Variants in TBC1D16 observed in about 807,000 individuals in gnomAD.
The protein encoded by TBC1D16 is TBC1 domain family member 16.
A neutral mutation model predicts 74.7 loss-of-function variants in TBC1D16; 58 were observed. The observed-to-expected ratio is 0.78, with a 90% CI of 0.63 to 0.97. The LOEUF (loss-of-function observed/expected upper bound fraction) is 0.97. Among genes scored for constraint, TBC1D16 ranks in the 50% least tolerant of loss-of-function variants. TBC1D16 has a pLI of 0.00. For missense variants in TBC1D16, 1,014 were observed against 1,079.5 expected (o/e 0.94, Z 0.85); for synonymous variants, 493 against 474.7 (o/e 1.04, Z -0.50).
At chr17:80,016,367 C>A (rs977179609) in intron 1 of TBC1D16, among the ~76,000 whole-genome samples, 1 of 152,130 alleles carries the variant, frequency 6.6e-6, no homozygotes, top group Non-Finnish European at 1.5e-5. Flanking sequence ...CATGATCGTA[C>A]TCAATGCCGC....
intron 3 of TBC1D16, among the ~76,000 whole-genome samples, chr17:79,959,307 A>G (rs1396105173): frequency 1.3e-5 from 2 of 152,244 alleles, no homozygotes; most frequent in Non-Finnish European, 2.9e-5. Flanking sequence ...CAACTTGGTT[A>G]AGATGACAAT....
Position 79,936,915 on chromosome 17 carries a change from T to C in TBC1D16, c.*3944A>G, listed in dbSNP as rs867913299. 7.0e-4 allele frequency: 100 copies of C among 143,244 alleles called. No individual in the cohort carries two copies. The Middle Eastern group carries it at 0.011, about 16-fold the overall frequency. The allele number at this position is 143,244 out of a possible 1,614,324, so 8.9% of individuals were successfully genotyped here. ...GCGTGCGTGTGTGCATGTGCGTGTG[T>C]GTGTGTGTGTGTGTGTGTGTGTGTG... is the stretch of plus-strand genomic sequence containing the variant. On this transcript the variant is annotated 3_prime_UTR_variant, in exon 12 of 12. Transcript: ENST00000310924.
rs371876677 is a variant in TBC1D16 at position 79,944,899 on chromosome 17, C to T, written c.1908+9G>A. ...CAACCTCCCCAGCCCTGGCCCCTGC[C>T]CTGGTCACCTGGTAGTGGGCCCAGC... On this transcript the variant is annotated intron_variant, in intron 10 of 11. Coordinates refer to ENST00000310924, the MANE Select transcript of TBC1D16 (RefSeq NM_019020.4). This position sits in a 1 kb window ranked among gnomAD's most constrained non-coding sequence, Gnocchi z 7.7. 1 of 1,547,966 alleles carries T rather than the reference C, an allele frequency of 6.5e-7. No homozygotes were observed. The highest frequency in any genetic ancestry group is 8.7e-7 in the Non-Finnish European group (1 of 1,146,254).
At position 79,978,164 on chromosome 17, in the gene TBC1D16, G is replaced by A. The variant is rs551078998; in HGVS notation, c.780-25346C>T. Among the ~76,000 whole-genome samples the A allele has an allele frequency of 5.9e-5, 9 of 152,312 alleles. No homozygotes were observed. In the East Asian group the frequency reaches 1.7e-3, roughly 29 times the overall value. On this transcript the variant is annotated intron_variant, in intron 3 of 11. Coordinates refer to ENST00000310924, the MANE Select transcript of TBC1D16 (RefSeq NM_019020.4). Reference sequence around the variant, plus strand: ...GACAGCCTGGCTTTTCCAGCCAGAGGGACTGGGAGCAGCAAGGCCGGAAAA... The same window carrying A: ...GACAGCCTGGCTTTTCCAGCCAGAGAGACTGGGAGCAGCAAGGCCGGAAAA...
chr17:79,950,731 T>C lies in TBC1D16; in HGVS notation c.1090-153A>G, dbSNP rs1451101859. 6.5e-7 allele frequency: 1 copy of C among 1,537,854 alleles called. No homozygotes were observed. Among genetic ancestry groups the C allele is most frequent in the Admixed American group, 2.0e-5 (1 of 51,002 alleles). On this transcript the variant is annotated intron_variant, in intron 5 of 11. Coordinates refer to ENST00000310924, the MANE Select transcript of TBC1D16 (RefSeq NM_019020.4). This position sits in a 1 kb window ranked among gnomAD's most constrained non-coding sequence, Gnocchi z 4.6. ...ACAAACCCCTAAATGGCGAGTGTAA[T>C]TAGGCGCAATTAAAATGAAAATACC...
At position 79,948,966 on chromosome 17, in the gene TBC1D16, T is replaced by G; in HGVS notation, c.1447A>C (p.Asn483His). The G allele has an allele frequency of 6.2e-7, 1 of 1,614,142 alleles. No individual in the cohort carries two copies. The highest frequency in any genetic ancestry group is 2.2e-5 in the East Asian group (1 of 44,876). Residue 483 changes from asparagine (N) to histidine (H), a missense_variant, in exon 8 of 12, where the codon AAT becomes CAT. Physicochemically the swap from Asn to His is moderately conservative, Grantham distance 68 (BLOSUM62 1). Coordinates refer to ENST00000310924, the MANE Select transcript of TBC1D16 (RefSeq NM_019020.4). The part of the protein sequence containing the change: ...TPEEHRAFWR[N>H]VQFTVDKDVV... The stretch of plus-strand genomic sequence containing the variant: ...TCTTTGTCCACAGTGAACTGCACAT[T>G]ACGCCAGAACGCTCTGTGCTCCTCG...
rs1230913124 is a variant in TBC1D16 at position 79,986,454 on chromosome 17, G to C, written c.779+23706C>G. ...TCGTCAGCGTTGCAGTGGTGGGTAAGAGGCCCCGGGATTATTTTTGGAGGG... is the reference window on the plus strand; with the variant it reads ...TCGTCAGCGTTGCAGTGGTGGGTAACAGGCCCCGGGATTATTTTTGGAGGG... On this transcript the variant is annotated intron_variant, in intron 3 of 11. Transcript: ENST00000310924. The surrounding 1 kb of genome is among the most constrained non-coding windows in gnomAD (Gnocchi z 6.0). Among the ~76,000 whole-genome samples, 2 of 152,208 alleles carry C rather than the reference G, an allele frequency of 1.3e-5. No homozygotes were observed. The highest frequency in any genetic ancestry group is 2.9e-5 in the Non-Finnish European group (2 of 68,042).
intron 9 of TBC1D16, among the ~76,000 whole-genome samples, chr17:79,947,119 T>C (rs118102142): frequency 0.026 from 3,890 of 152,224 alleles, 73 homozygotes; most frequent in Middle Eastern, 0.041. Context: ...CTGGTCTACA[T>C]AGGGCTGGTC....
rs1387925035 is a variant in TBC1D16 at position 79,947,666 on chromosome 17, G to A, written c.1707C>T (p.Asp569=). Residue 569 remains aspartate, a synonymous_variant, in exon 9 of 12, where the codon GAC becomes GAT. Transcript: ENST00000310924. ...TCACCAGTTGTTTCTCCATGTCCTC[G>A]TCCCGGGGTGAGCTGACGAAGATCG... ...QNTIFVSSPR[D]EDMEKQLLYL... 44 of 1,614,072 alleles carry A rather than the reference G, an allele frequency of 2.7e-5. No homozygotes were observed. The highest frequency in any genetic ancestry group is 3.6e-5 in the Non-Finnish European group (43 of 1,180,016).
rs1053464383 is a variant in TBC1D16 at position 79,973,756 on chromosome 17, T to C, written c.780-20938A>G. Among the ~76,000 whole-genome samples the C allele has an allele frequency of 6.0e-5, 9 of 150,342 alleles. No individual in the cohort carries two copies. The East Asian group carries it at 1.8e-3, about 29-fold the overall frequency. Reference sequence around the variant, plus strand: ...ATTACAACAAAAAATTATCCAGGCATGGTGGTGCATGCCATCATCCCAGCT... The same window carrying C: ...ATTACAACAAAAAATTATCCAGGCACGGTGGTGCATGCCATCATCCCAGCT... On this transcript the variant is annotated intron_variant, in intron 3 of 11. Coordinates refer to ENST00000310924, the MANE Select transcript of TBC1D16 (RefSeq NM_019020.4).
chr17:80,017,542 G>A (rs1409256765), intron 1 of TBC1D16, among the ~76,000 whole-genome samples: 1 of 151,842 alleles, frequency 6.6e-6, no homozygotes, highest in Non-Finnish European at 1.5e-5. Context: ...TTAGCCGGGC[G>A]TGATGGTGCA....
rs1266173703 is a variant in TBC1D16 at position 79,990,489 on chromosome 17, GA to G, written c.779+19670del. Among the ~76,000 whole-genome samples, 1 of 152,212 alleles carries G rather than the reference GA, an allele frequency of 6.6e-6. No homozygotes were observed. The highest frequency in any genetic ancestry group is 1.5e-5 in the Non-Finnish European group (1 of 68,034). On this transcript the variant is annotated intron_variant, in intron 3 of 11. Coordinates refer to ENST00000310924, the MANE Select transcript of TBC1D16 (RefSeq NM_019020.4). This position sits in a 1 kb window ranked among gnomAD's most constrained non-coding sequence, Gnocchi z 4.8. ...ACACAGGCTTACAGACCTAATCCAA[GA>G]AGGCAGTTCTCAAAAGGATGGGAAA... is the stretch of plus-strand genomic sequence containing the variant.
chr17:80,027,189 C>T (rs183004895), intron 1 of TBC1D16, among the ~76,000 whole-genome samples: 5 of 152,178 alleles, frequency 3.3e-5, no homozygotes, highest in African/African-American at 4.8e-5. Flanking sequence ...AGGCTGGGCA[C>T]GGTAGCTCAT....
intron 3 of TBC1D16, 43 bp from the exon 4 acceptor site, chr17:79,952,861 C>A: frequency 6.4e-7 from 1 of 1,569,510 alleles, no homozygotes. Context: ...CTTCTCCCTG[C>A]CCACACTACC....
At position 79,985,579 on chromosome 17, in the gene TBC1D16, G is replaced by A. The variant is rs1017776651; in HGVS notation, c.779+24581C>T. Among the ~76,000 whole-genome samples the A allele has an allele frequency of 2.6e-5, 4 of 152,224 alleles. No homozygotes were observed. The highest frequency in any genetic ancestry group is 5.9e-5 in the Non-Finnish European group (4 of 68,032). On this transcript the variant is annotated intron_variant, in intron 3 of 11. Coordinates refer to ENST00000310924, the MANE Select transcript of TBC1D16 (RefSeq NM_019020.4). This position sits in a 1 kb window ranked among gnomAD's most constrained non-coding sequence, Gnocchi z 4.9. ...GGCCTGGCACTCACGCTCGGGGTGG[G>A]GGGCATCCCAGGCCCTGAGACTGGT...
intron 1 of TBC1D16, among the ~76,000 whole-genome samples, chr17:80,028,512 G>A (rs2036663826): frequency 6.6e-6 from 1 of 151,742 alleles, no homozygotes; most frequent in South Asian, 2.1e-4. Flanking sequence ...CTGGGTGACA[G>A]AGCGAGACTC....
chr17:80,034,200 CTTT>C (rs35010521), intron 1 of TBC1D16, among the ~76,000 whole-genome samples: 12 of 120,864 alleles, frequency 9.9e-5, no homozygotes, highest in Admixed American at 1.8e-4. Context: ...TTTTTTTTTC[CTTT>C]TTTTTTTTTT....
chr17:80,028,813 C>T (rs1182538034), intron 1 of TBC1D16, among the ~76,000 whole-genome samples: 1 of 151,778 alleles, frequency 6.6e-6, no homozygotes, highest in African/African-American at 2.4e-5. Context: ...GGGGTTTCAC[C>T]ATGTGGGCCA....
chr17:79,968,078 C>T (rs925019723), intron 3 of TBC1D16, among the ~76,000 whole-genome samples: 2 of 151,206 alleles, frequency 1.3e-5, no homozygotes, highest in African/African-American at 2.4e-5. Flanking sequence ...CTGCAACCTC[C>T]GCCTCCTGAG....
Sources: allele counts gnomAD v4.1 joint callset (sites outside exome capture counted in the v4.1 genomes callset), GRCh38; gene constraint gnomAD v4.1.1; non-coding constraint Gnocchi (gnomAD v3.1); transcripts MANE v1.5; gene names NCBI Gene and HGNC (gene_info 2026-07-23, HGNC 2026-07-21).